Variants in PLCE1 observed in about 807,000 individuals in gnomAD.
PLCE1 encodes the protein phospholipase C epsilon 1, also known as 1-phosphatidylinositol 4,5-bisphosphate phosphodiesterase epsilon-1.
A neutral mutation model predicts 242.8 loss-of-function variants in PLCE1; 119 were observed. That is an observed-to-expected ratio of 0.49 (90% CI 0.42 to 0.57). PLCE1 has a LOEUF of 0.57. PLCE1 is among the 20% of genes least tolerant of loss of function. PLCE1 has a pLI of 0.00. For synonymous variants in PLCE1, 945 were observed against 1,017.4 expected, an observed-to-expected ratio of 0.93 and a Z score of 1.35; for missense variants, 2,441 against 2,788.8, an observed-to-expected ratio of 0.88 and a Z score of 2.81.
intron 4 of PLCE1, among the ~76,000 whole-genome samples, chr10:94,184,411 C>A (rs999322461): frequency 6.6e-6 from 1 of 152,220 alleles, no homozygotes; most frequent in Non-Finnish European, 1.5e-5. Context: ...CTCACTGCAA[C>A]CTCCACCTCC....
In PLCE1 at chr10:94,032,216, T is replaced by C; in HGVS notation, c.1170T>C (p.Asp390=). The C allele has an allele frequency of 1.2e-6, 2 of 1,613,416 alleles. No individual in the cohort carries two copies. The highest frequency in any genetic ancestry group is 2.2e-5 in the East Asian group (1 of 44,860). ...EPPSTVEIRQ[D]GSQRLSEAQW... is the part of the protein sequence containing the mutation. ...CGTCAACAGTGGAGATAAGGCAAGA[T>C]GGGAGCCAACGTCTGTCAGAAGCCC... The change falls in exon 2 of 33, where the codon GAT becomes GAC. Residue 390 remains aspartate, a synonymous_variant. Coordinates refer to ENST00000371380, the MANE Select transcript of PLCE1 (RefSeq NM_016341.4).
Position 94,273,753 on chromosome 10 carries a change from G to T in PLCE1, c.4665+33G>T, listed in dbSNP as rs187822854. On this transcript the variant is annotated intron_variant, in intron 19 of 32. Coordinates refer to ENST00000371380, the MANE Select transcript of PLCE1 (RefSeq NM_016341.4). The stretch of plus-strand genomic sequence containing the variant: ...CCTCTGTTAAACCAGTTATGAAAAG[G>T]CAGTGTGCCTAGAACAAAGAAAAAT... The T allele has an allele frequency of 3.8e-4, 612 of 1,598,016 alleles. 2 individuals carry two copies. The African/African-American group carries it at 7.2e-3, about 19-fold the overall frequency.
At chr10:94,008,951 C>T (rs1282806878) in intron 1 of PLCE1, among the ~76,000 whole-genome samples, 3 of 152,140 alleles carry the variant, frequency 2.0e-5, no homozygotes, top group African/African-American at 4.8e-5. Flanking sequence ...TAGAGGTGAA[C>T]TCTAAGTACT....
chr10:94,150,901 A>T (rs2047254029), intron 3 of PLCE1, among the ~76,000 whole-genome samples: 1 of 152,132 alleles, frequency 6.6e-6, no homozygotes, highest in South Asian at 2.1e-4. Flanking sequence ...GCACAGTGAG[A>T]GCTGGCAGCA....
At chr10:94,166,827 G>T (rs1264590296) in intron 3 of PLCE1, among the ~76,000 whole-genome samples, 1 of 152,132 alleles carries the variant, frequency 6.6e-6, no homozygotes, top group Non-Finnish European at 1.5e-5. Flanking sequence ...AATTAAATGT[G>T]TTACTTAACA....
chr10:94,219,188 G>A (rs1309659642), intron 4 of PLCE1, among the ~76,000 whole-genome samples: 1 of 151,926 alleles, frequency 6.6e-6, no homozygotes, highest in Non-Finnish European at 1.5e-5. Context: ...TACTCACTAA[G>A]TATTTATTAG....
intron 4 of PLCE1, among the ~76,000 whole-genome samples, chr10:94,213,230 A>G (rs1159907711): frequency 1.3e-5 from 2 of 152,190 alleles, no homozygotes; most frequent in Non-Finnish European, 2.9e-5. Flanking sequence ...TTTGCCTTTC[A>G]TGTACAGCTC....
chr10:94,309,674 C>A (rs571392361), intron 27 of PLCE1, among the ~76,000 whole-genome samples: 1 of 152,188 alleles, frequency 6.6e-6, no homozygotes, highest in East Asian at 1.9e-4. Flanking sequence ...CATGGAAACT[C>A]AGTGCCCACT....
intron 30 of PLCE1, among the ~76,000 whole-genome samples, chr10:94,323,225 T>C (rs1465805679): frequency 6.6e-6 from 1 of 152,204 alleles, no homozygotes; most frequent in African/African-American, 2.4e-5. Context: ...AGAGTTTACA[T>C]GGTTTCAGAG....
intron 4 of PLCE1, among the ~76,000 whole-genome samples, chr10:94,180,551 T>G (rs1444204282): frequency 6.6e-6 from 1 of 152,206 alleles, no homozygotes; most frequent in Non-Finnish European, 1.5e-5. Flanking sequence ...TTTATTTATA[T>G]TCCTCTCTTG....
chr10:94,200,603 G>A (rs766731084), intron 4 of PLCE1, among the ~76,000 whole-genome samples: 2 of 152,158 alleles, frequency 1.3e-5, no homozygotes, highest in Non-Finnish European at 2.9e-5. Context: ...CCCTCTAGAA[G>A]GTGGAGCCTA....
chr10:94,258,676 G>A, intron 11 of PLCE1, 124 bp from the exon 12 acceptor site: 2 of 1,089,374 alleles, frequency 1.8e-6, no homozygotes, highest in South Asian at 2.6e-5. Flanking sequence ...CTGGAAAATA[G>A]CTTCAATCTT....
rs2137330593 is a variant in PLCE1 at position 94,236,177 on chromosome 10, GAGTTGTTTCCTACTTCAGCTTAGTTTC to G, written c.2420+60_2420+86del. ...TCATCTCTTCTTTTTTCCTGTTGAT[GAGTTGTTTCCTACTTCAGCTTAGTTTC>G]AGATGGACACCTCATCAAAACCTGC... is the stretch of plus-strand genomic sequence containing the variant. On this transcript the variant is annotated intron_variant, in intron 7 of 32. Transcript: ENST00000371380. 3.4e-6 allele frequency: 5 copies of G among 1,450,292 alleles called. No homozygotes were observed. The East Asian group carries it at 1.2e-4, about 34-fold the overall frequency. 89.8% of individuals were successfully genotyped at this position (1,450,292 alleles called of 1,614,324 possible).
chr10:94,007,167 G>A (rs1244753192), intron 1 of PLCE1, among the ~76,000 whole-genome samples: 1 of 152,142 alleles, frequency 6.6e-6, no homozygotes, highest in Non-Finnish European at 1.5e-5. Context: ...GCTGGATTAG[G>A]GAGAGGGAGA....
intron 2 of PLCE1, among the ~76,000 whole-genome samples, chr10:94,073,230 T>C (rs2044411199): frequency 6.6e-6 from 1 of 152,162 alleles, no homozygotes; most frequent in African/African-American, 2.4e-5. Flanking sequence ...ACATTGTTTT[T>C]CCCCATGTCA....
intron 4 of PLCE1, among the ~76,000 whole-genome samples, chr10:94,204,275 T>C (rs1046276740): frequency 6.6e-6 from 1 of 151,942 alleles, no homozygotes; most frequent in Non-Finnish European, 1.5e-5. Context: ...GAGGAGCAGA[T>C]AAAAGAAGAG....
chr10:94,310,339 C>T (rs2053347875), intron 27 of PLCE1, among the ~76,000 whole-genome samples: 1 of 152,196 alleles, frequency 6.6e-6, no homozygotes, highest in African/African-American at 2.4e-5. Context: ...AGGTGTTCCT[C>T]CTTTTTCCCT....
chr10:94,292,329 T>C (rs1200292272), intron 22 of PLCE1, among the ~76,000 whole-genome samples: 1 of 151,886 alleles, frequency 6.6e-6, no homozygotes, highest in African/African-American at 2.4e-5. Context: ...CCAAAACTGT[T>C]TGAACGCTGA....
At position 94,151,712 on chromosome 10, in the gene PLCE1, A is replaced by C. The variant is rs923186441; in HGVS notation, c.1492+19253A>C. Among the ~76,000 whole-genome samples, 55 of 152,300 alleles carry C rather than the reference A, an allele frequency of 3.6e-4. 1 individual carries two copies. Among genetic ancestry groups the C allele is most frequent in the African/African-American group, 1.3e-3 (52 of 41,572 alleles). On this transcript the variant is annotated intron_variant, in intron 3 of 32. Coordinates refer to ENST00000371380, the MANE Select transcript of PLCE1 (RefSeq NM_016341.4). ...TGTAAGTTCAGGCTGAAAGGCTGCA[A>C]GGGGGCCAGAAATGAGCACCATGGC...
Sources: gnomAD v4.1 joint callset for allele counts (sites outside exome capture counted in the v4.1 genomes callset) on GRCh38, gnomAD v4.1.1 for gene constraint, MANE v1.5 for transcripts, NCBI Gene and HGNC (gene_info 2026-07-23, HGNC 2026-07-21) for gene names.